Variants in RHOU observed in about 807,000 individuals in gnomAD.
The protein encoded by RHOU is rho-related GTP-binding protein RhoU.
In RHOU, 8 loss-of-function variants were observed where a neutral mutation model predicts 12.6. That is an observed-to-expected ratio of 0.64 (90% CI 0.37 to 1.15). The LOEUF is 1.15. RHOU is among the 50% of genes most tolerant of loss of function. The pLI is 0.01. For synonymous variants in RHOU, 161 were observed against 147.4 expected, an observed-to-expected ratio of 1.09 and a Z score of -0.67; for missense variants, 258 against 347.0, an observed-to-expected ratio of 0.74 and a Z score of 2.04.
At chr1:228,683,382 G>A in the RHOU span, among the ~76,000 whole-genome samples, 8 of 152,188 alleles carry the variant, frequency 5.3e-5, no homozygotes, top group Non-Finnish European at 1.2e-4. Context: ...GTACTATTGT[G>A]GGAATAGCCA....
chr1:228,698,886 C>T, the RHOU span, among the ~76,000 whole-genome samples: 1 of 152,048 alleles, frequency 6.6e-6, no homozygotes, highest in Non-Finnish European at 1.5e-5. Context: ...GTATACAAGA[C>T]CCCTTTTCTT....
intron 2 of RHOU, among the ~76,000 whole-genome samples, chr1:228,739,698 G>C (rs551298345): frequency 2.6e-5 from 4 of 152,354 alleles, no homozygotes; most frequent in African/African-American, 9.6e-5. Flanking sequence ...GGAGCCTTAC[G>C]GGCTGGAGCA....
chr1:228,646,803 C>G, the RHOU span, among the ~76,000 whole-genome samples: 7 of 151,940 alleles, frequency 4.6e-5, no homozygotes, highest in African/African-American at 1.7e-4. Flanking sequence ...CGCAGACGCA[C>G]GCACACACAC....
At chr1:228,675,389 C>T in the RHOU span, among the ~76,000 whole-genome samples, 2 of 152,044 alleles carry the variant, frequency 1.3e-5, no homozygotes, top group African/African-American at 4.8e-5. Flanking sequence ...TTTATTTCCA[C>T]AAATTTTAGA....
chr1:228,711,657 T>C, the RHOU span, among the ~76,000 whole-genome samples: 6,619 of 95,200 alleles, frequency 0.07, 1 homozygote, highest in South Asian at 0.084. Context: ...CAAAAATTAA[T>C]TCAAGATGGG....
the RHOU span, among the ~76,000 whole-genome samples, chr1:228,723,876 TGCTTCTCCAACACGGAG>T: frequency 7.2e-5 from 11 of 152,214 alleles, no homozygotes; most frequent in Non-Finnish European, 1.5e-4. Context: ...GGCTCCTTGC[TGCTTCTCCAACACGGAG>T]ACAGTCAATT....
chr1:228,694,630 C>T, the RHOU span, among the ~76,000 whole-genome samples: 2 of 152,200 alleles, frequency 1.3e-5, no homozygotes, highest in African/African-American at 4.8e-5. Context: ...ACTCCATTCA[C>T]ATCCCTGCAA....
the RHOU span, among the ~76,000 whole-genome samples, chr1:228,716,254 T>C: frequency 6.6e-6 from 1 of 152,190 alleles, no homozygotes; most frequent in Non-Finnish European, 1.5e-5. Flanking sequence ...ACTTTCTCTC[T>C]GGAATGCTTC....
chr1:228,727,349 C>T, the RHOU span, among the ~76,000 whole-genome samples: 275 of 152,140 alleles, frequency 1.8e-3, no homozygotes, highest in African/African-American at 6.4e-3. Context: ...ACTCTGTTGC[C>T]CAGGCTGAAG....
At chr1:228,712,450 C>T in the RHOU span, among the ~76,000 whole-genome samples, 33 of 151,860 alleles carry the variant, frequency 2.2e-4, no homozygotes, top group Non-Finnish European at 4.4e-4. Flanking sequence ...GAAAATGTGG[C>T]ACATATACAC....
chr1:228,672,661 T>G, the RHOU span, among the ~76,000 whole-genome samples: 2 of 152,002 alleles, frequency 1.3e-5, no homozygotes, highest in African/African-American at 4.8e-5. Flanking sequence ...TAGTGGGGAG[T>G]GGAGAAATTA....
chr1:228,666,012 C>T, the RHOU span, among the ~76,000 whole-genome samples: 3 of 151,980 alleles, frequency 2.0e-5, no homozygotes, highest in Non-Finnish European at 4.4e-5. Flanking sequence ...GGCTGGAGTG[C>T]AGTGGTGTGA....
the RHOU span, among the ~76,000 whole-genome samples, chr1:228,725,455 G>A: frequency 1.3e-5 from 2 of 151,784 alleles, no homozygotes; most frequent in Non-Finnish European, 2.9e-5. Flanking sequence ...AAAGGGACTA[G>A]TGATGAGCAA....
the RHOU span, among the ~76,000 whole-genome samples, chr1:228,666,590 C>T: frequency 6.6e-6 from 1 of 152,084 alleles, no homozygotes; most frequent in African/African-American, 2.4e-5. Context: ...CCTTCCTATC[C>T]TTCCTAGCCT....
At chr1:228,655,410 CT>C in the RHOU span, among the ~76,000 whole-genome samples, 1 of 152,100 alleles carries the variant, frequency 6.6e-6, no homozygotes, top group African/African-American at 2.4e-5. Flanking sequence ...CCTAACCTTG[CT>C]TTGTATTTTA....
chr1:228,735,427 G>C, upstream of RHOU: 1 of 187,290 alleles, frequency 5.3e-6, no homozygotes, highest in Non-Finnish European at 1.1e-5. This position sits in a 1 kb window ranked among gnomAD's most constrained non-coding sequence, Gnocchi z 8.1. Flanking sequence ...CCGCCAGCCC[G>C]CCCGCCTGCC....
At chr1:228,683,674 T>C in the RHOU span, among the ~76,000 whole-genome samples, 1 of 152,310 alleles carries the variant, frequency 6.6e-6, no homozygotes, top group East Asian at 1.9e-4. Context: ...TTTAACAAAT[T>C]GTAATTGATG....
chr1:228,701,080 G>A, the RHOU span, among the ~76,000 whole-genome samples: 2 of 152,062 alleles, frequency 1.3e-5, no homozygotes, highest in African/African-American at 2.4e-5. Flanking sequence ...CAGAGTGAGA[G>A]CCTGTTTCGA....
At chr1:228,652,813 A>G in the RHOU span, among the ~76,000 whole-genome samples, 1 of 152,164 alleles carries the variant, frequency 6.6e-6, no homozygotes, top group East Asian at 1.9e-4. Context: ...CTTTACTTAT[A>G]TGTTTTGTTT....
Sources: gnomAD v4.1 joint callset for allele counts (sites outside exome capture counted in the v4.1 genomes callset) on GRCh38, gnomAD v4.1.1 for gene constraint, Gnocchi (gnomAD v3.1) non-coding constraint, MANE v1.5 for transcripts, NCBI Gene and HGNC (gene_info 2026-07-23, HGNC 2026-07-21) for gene names.